JCAD: variants seen among roughly 807,000 people sequenced by gnomAD.
The protein encoded by JCAD is junctional cadherin 5 associated.
A neutral mutation model predicts 98.0 loss-of-function variants in JCAD; 40 were observed. That is an observed-to-expected ratio of 0.41 (90% confidence interval 0.32 to 0.53). The LOEUF (loss-of-function observed/expected upper bound fraction) is 0.53, where lower values mean the gene tolerates loss of function less well. Among genes scored for constraint, JCAD ranks in the 20% least tolerant of loss-of-function variants. The pLI, the probability that JCAD is intolerant of heterozygous loss-of-function variation, is 0.31. For missense variants in JCAD, 1,705 were observed against 1,738.1 expected (o/e 0.98, Z 0.34); for synonymous variants, 691 against 682.3 (o/e 1.01, Z -0.20).
At chr10:30,049,248 C>G (rs1286291831) in intron 1 of JCAD, among the ~76,000 whole-genome samples, 1 of 152,156 alleles carries the variant, frequency 6.6e-6, no homozygotes, top group Non-Finnish European at 1.5e-5. Flanking sequence ...AAGCCAGCCC[C>G]ATCAAAAAGC....
intron 1 of JCAD, among the ~76,000 whole-genome samples, chr10:30,097,711 C>T (rs139594756): frequency 0.011 from 1,598 of 152,070 alleles, 21 homozygotes; most frequent in Non-Finnish European, 0.016. Context: ...TGCAGTGAGC[C>T]GAGATTGCCC....
At chr10:30,111,549 T>C (rs1370917425) in intron 1 of JCAD, among the ~76,000 whole-genome samples, 5 of 152,200 alleles carry the variant, frequency 3.3e-5, no homozygotes, top group Non-Finnish European at 7.3e-5. Flanking sequence ...TTCATAGTCC[T>C]AGGAGGAGAT....
chr10:30,022,571 T>C (rs374626047), intron 3 of JCAD, among the ~76,000 whole-genome samples: 2 of 152,298 alleles, frequency 1.3e-5, no homozygotes, highest in East Asian at 3.9e-4. Context: ...ATGACCTCAG[T>C]TGCTCTCAAG....
intron 3 of JCAD, among the ~76,000 whole-genome samples, chr10:30,022,685 C>A (rs963932463): frequency 6.6e-6 from 1 of 152,210 alleles, no homozygotes. Flanking sequence ...ATGGTGCTCT[C>A]CCCTCCGATT....
intron 1 of JCAD, among the ~76,000 whole-genome samples, chr10:30,112,852 A>G (rs1167392814): frequency 6.7e-6 from 1 of 150,182 alleles, no homozygotes; most frequent in African/African-American, 2.5e-5. Flanking sequence ...AGCCTGGGCA[A>G]AAGAGCGAGA....
At chr10:30,033,293 C>G (rs1199217652) in intron 2 of JCAD, among the ~76,000 whole-genome samples, 3 of 152,156 alleles carry the variant, frequency 2.0e-5, no homozygotes, top group Non-Finnish European at 4.4e-5. Context: ...TTTACTTAAC[C>G]CTTTACCAGT....
chr10:30,083,287 G>A (rs1015082787), intron 1 of JCAD, among the ~76,000 whole-genome samples: 4 of 152,160 alleles, frequency 2.6e-5, no homozygotes, highest in Admixed American at 6.5e-5. Flanking sequence ...ACTATTTAGA[G>A]TCAGAGCAGA....
intron 2 of JCAD, among the ~76,000 whole-genome samples, chr10:30,064,829 G>T (rs1012758085): frequency 6.6e-6 from 1 of 152,028 alleles, no homozygotes; most frequent in Admixed American, 6.6e-5. Flanking sequence ...GTGCCACCAC[G>T]CCTGGTTAAT....
Position 30,047,774 on chromosome 10 carries a change from G to A in JCAD, c.39C>T (p.Tyr13=), listed in dbSNP as rs375087139. Residue 13 remains tyrosine, a synonymous_variant, in exon 2 of 4, where the codon TAC becomes TAT. Coordinates refer to ENST00000375377, the MANE Select transcript of JCAD (RefSeq NM_020848.4). ...ATGCTGGGGGGTCTCTTGACAGCTT[G>A]TATCCATGAGAGATCAGGAGGTCTT... is the stretch of plus-strand genomic sequence containing the variant. ...SVEDLLISHG[Y]KLSRDPPASR... is the part of the protein sequence containing the mutation. 61 of 1,613,948 alleles carry A rather than the reference G, an allele frequency of 3.8e-5. No homozygotes were observed. Among genetic ancestry groups the A allele is most frequent in the Non-Finnish European group, 4.5e-5 (53 of 1,179,998 alleles).
chr10:30,061,948 A>G (rs1046586142), upstream of JCAD, among the ~76,000 whole-genome samples: 5 of 152,200 alleles, frequency 3.3e-5, no homozygotes, highest in Admixed American at 3.3e-4. Context: ...TCCTGCTAGA[A>G]CATTTATCAG....
chr10:30,059,995 C>A (rs1266502711), upstream of JCAD, among the ~76,000 whole-genome samples: 1 of 151,968 alleles, frequency 6.6e-6, no homozygotes, highest in Non-Finnish European at 1.5e-5. This position sits in a 1 kb window ranked among gnomAD's most constrained non-coding sequence, Gnocchi z 5.0. Flanking sequence ...AGTGCACACA[C>A]ACTCAAATAC....
Position 30,028,401 on chromosome 10 carries a change from C to G in JCAD, c.1747G>C (p.Val583Leu), listed in dbSNP as rs371928997. ...GATTCTGATTTCACTGGGATAGAAA[C>G]CAAGCAAAATATAGTCTCGTTCATT... is the stretch of plus-strand genomic sequence containing the variant. ...KKMNETIFCL[V>L]SIPVKSESHL... Residue 583 changes from valine to leucine, a missense_variant, in exon 3 of 4, where the codon GTT becomes CTT. Val to Leu is a conservative substitution (Grantham distance 32). Coordinates refer to ENST00000375377, the MANE Select transcript of JCAD (RefSeq NM_020848.4). 5.6e-6 allele frequency: 9 copies of G among 1,614,180 alleles called. No homozygotes were observed. Among genetic ancestry groups the G allele is most frequent in the African/African-American group, 1.3e-5 (1 of 75,048 alleles).
intron 3 of JCAD, among the ~76,000 whole-genome samples, chr10:30,024,710 T>G (rs1043840977): frequency 6.7e-6 from 1 of 149,516 alleles, no homozygotes; most frequent in African/African-American, 2.5e-5. Flanking sequence ...TTTTTTTTTT[T>G]TTTGAGACGG....
In JCAD at chr10:30,029,652, T is replaced by G; in HGVS notation, c.496A>C (p.Lys166Gln). 3 of 1,614,234 alleles carry G rather than the reference T, an allele frequency of 1.9e-6. No individual in the cohort carries two copies. Among genetic ancestry groups the G allele is most frequent in the Non-Finnish European group, 2.5e-6 (3 of 1,180,054 alleles). The change falls in exon 3 of 4, where the codon AAG becomes CAG. Residue 166 changes from lysine to glutamine, a missense_variant. Physicochemically the swap from Lys to Gln is moderately conservative, Grantham distance 53. Transcript: ENST00000375377. Reference sequence around the variant, plus strand: ...CGCAATTCTTCTTCCCAAACTGGCTTCTTCATCACATGCTCTGACCTTCCT... The same window carrying G: ...CGCAATTCTTCTTCCCAAACTGGCTGCTTCATCACATGCTCTGACCTTCCT... ...VGGRSEHVMK[K>Q]PVWEEELRMS... is the part of the protein sequence containing the mutation.
intron 1 of JCAD, among the ~76,000 whole-genome samples, chr10:30,051,260 G>A (rs1035295100): frequency 7.9e-5 from 11 of 139,952 alleles, no homozygotes; most frequent in South Asian, 2.3e-4. Context: ...CACACCACAC[G>A]CACACACGCA....
intron 1 of JCAD, among the ~76,000 whole-genome samples, chr10:30,070,892 G>T (rs759403958): frequency 6.6e-6 from 1 of 152,076 alleles, no homozygotes; most frequent in Non-Finnish European, 1.5e-5. Flanking sequence ...CAGTGTTTTT[G>T]TTGTTGTTGT....
chr10:30,082,672 A>G (rs553981387), intron 1 of JCAD, among the ~76,000 whole-genome samples: 17 of 152,012 alleles, frequency 1.1e-4, no homozygotes, highest in African/African-American at 3.6e-4. Context: ...ACCAACATGG[A>G]GAAACCCCAT....
chr10:30,028,765 T>C lies in JCAD; in HGVS notation c.1383A>G (p.Gln461=). 2 of 1,614,246 alleles carry C rather than the reference T, an allele frequency of 1.2e-6. No individual in the cohort carries two copies. The highest frequency in any genetic ancestry group is 2.2e-5 in the South Asian group (2 of 91,088). ...GCTGCATTCCTCCATGAGCCGGCTC[T>C]TGAGCAGTGACAGGACTGGAGTTAT... ...KSYNSSPVTA[Q]EPAHGGMQPD... is the part of the protein sequence containing the mutation. Residue 461 remains glutamine (Q), a synonymous_variant, in exon 3 of 4, where the codon CAA becomes CAG. Transcript: ENST00000375377.
At chr10:30,097,330 G>A (rs2132703493) in intron 1 of JCAD, among the ~76,000 whole-genome samples, 1 of 152,260 alleles carries the variant, frequency 6.6e-6, no homozygotes, top group African/African-American at 2.4e-5. Flanking sequence ...GGTATTAGTG[G>A]GACAAAGGAG....
Sources: gnomAD v4.1 joint callset for allele counts (sites outside exome capture counted in the v4.1 genomes callset) on GRCh38, gnomAD v4.1.1 for gene constraint, Gnocchi (gnomAD v3.1) non-coding constraint, MANE v1.5 for transcripts, NCBI Gene and HGNC (gene_info 2026-07-23, HGNC 2026-07-21) for gene names.